Variants in AFAP1L2 observed in about 807,000 individuals in gnomAD.
AFAP1L2 encodes the protein actin filament associated protein 1 like 2.
In AFAP1L2, 46 loss-of-function variants were observed where a neutral mutation model predicts 99.3. The observed-to-expected ratio is 0.46, with a 90% CI of 0.37 to 0.59. AFAP1L2 has a LOEUF of 0.59. Ranked by LOEUF, AFAP1L2 falls within the 20% of genes least tolerant of loss-of-function variation. AFAP1L2 has a pLI of 0.00. For missense variants in AFAP1L2, 959 were observed against 1,034.9 expected, an observed-to-expected ratio of 0.93 and a Z score of 1.01; for synonymous variants, 397 against 419.1, an observed-to-expected ratio of 0.95 and a Z score of 0.64.
At chr10:114,391,428 G>A (rs1388964083) in intron 1 of AFAP1L2, among the ~76,000 whole-genome samples, 2 of 151,996 alleles carry the variant, frequency 1.3e-5, no homozygotes, top group African/African-American at 4.8e-5. Flanking sequence ...CCATGTTGGC[G>A]AGACTGGTCT....
At chr10:114,389,417 C>T (rs191915620) in intron 1 of AFAP1L2, among the ~76,000 whole-genome samples, 313 of 152,242 alleles carry the variant, frequency 2.1e-3, no homozygotes, top group Non-Finnish European at 3.4e-3. Context: ...AGTGAATCTC[C>T]TAAGTGAAGA....
the AFAP1L2 span, chr10:114,282,485 C>A: frequency 6.3e-7 from 1 of 1,598,048 alleles, no homozygotes; most frequent in South Asian, 1.1e-5. Flanking sequence ...CACCTCTGAT[C>A]TGTCTATAAT....
chr10:114,287,955 G>A, the AFAP1L2 span, among the ~76,000 whole-genome samples: 7 of 152,146 alleles, frequency 4.6e-5, no homozygotes, highest in South Asian at 2.1e-4. Flanking sequence ...CGCCTTCCCC[G>A]TAGCTGTGAT....
chr10:114,358,678 C>G (rs900034780), intron 1 of AFAP1L2, among the ~76,000 whole-genome samples: 2 of 152,018 alleles, frequency 1.3e-5, no homozygotes, highest in African/African-American at 4.8e-5. Flanking sequence ...ACTTTGGGAG[C>G]CTGAGGTGGG....
chr10:114,334,491 C>T (rs762841475), intron 2 of AFAP1L2, among the ~76,000 whole-genome samples: 6 of 152,218 alleles, frequency 3.9e-5, no homozygotes, highest in Non-Finnish European at 5.9e-5. Context: ...CTCTGTTGCA[C>T]GACCACAGAC....
At chr10:114,318,468 GTGGCTCACACC>G (rs1212196320) in intron 5 of AFAP1L2, among the ~76,000 whole-genome samples, 1 of 152,152 alleles carries the variant, frequency 6.6e-6, no homozygotes, top group African/African-American at 2.4e-5. Flanking sequence ...GCTGGGCATG[GTGGCTCACACC>G]TGTAATCCCA....
At chr10:114,290,470 TG>T, downstream of AFAP1L2, 2 of 1,458,852 alleles carry the variant, frequency 1.4e-6, no homozygotes, top group Non-Finnish European at 1.8e-6. Context: ...ATTCGTTCAG[TG>T]GAAGAAATTA....
At position 114,314,825 on chromosome 10, in the gene AFAP1L2, G is replaced by T. The variant is rs568841205; in HGVS notation, c.612+735C>A. Among the ~76,000 whole-genome samples, 5 of 152,148 alleles carry T rather than the reference G, an allele frequency of 3.3e-5. No individual in the cohort carries two copies. The East Asian group carries it at 9.7e-4, about 29-fold the overall frequency. Reference sequence around the variant, plus strand: ...ATTGTTGCTTCTGAGAAGATACCTAGCATTCTCATGCTGCACAGATAAAAA... The same window carrying T: ...ATTGTTGCTTCTGAGAAGATACCTATCATTCTCATGCTGCACAGATAAAAA... On this transcript the variant is annotated intron_variant, in intron 6 of 18. Coordinates refer to ENST00000304129, the MANE Select transcript of AFAP1L2 (RefSeq NM_001001936.3).
chr10:114,307,914 C>A lies in AFAP1L2; in HGVS notation c.968-5G>T, dbSNP rs2042663803. The A allele has an allele frequency of 5.0e-6, 8 of 1,613,662 alleles. No homozygotes were observed. Among genetic ancestry groups the A allele is most frequent in the Non-Finnish European group, 6.8e-6 (8 of 1,179,588 alleles). ...CAGCAGAACATTTCTTCTTGACTGT[C>A]AAGATGAGACAGAAAGCAATTCGTA... On this transcript the variant is annotated splice_region_variant and splice_polypyrimidine_tract_variant and intron_variant, in intron 9 of 18. Coordinates refer to ENST00000304129, the MANE Select transcript of AFAP1L2 (RefSeq NM_001001936.3).
At chr10:114,290,520 C>G (rs2039475425), downstream of AFAP1L2, among the ~76,000 whole-genome samples, 1 of 152,222 alleles carries the variant, frequency 6.6e-6, no homozygotes, top group African/African-American at 2.4e-5. Flanking sequence ...TGAGTACCTC[C>G]TGCATCCCAG....
chr10:114,295,122 T>A lies in AFAP1L2; in HGVS notation c.*920A>T, dbSNP rs551858240. On this transcript the variant is annotated 3_prime_UTR_variant, in exon 19 of 19. Coordinates refer to ENST00000304129, the MANE Select transcript of AFAP1L2 (RefSeq NM_001001936.3). Reference sequence around the variant, plus strand: ...ATCACCCTAACCAAAAATCACCACTTTGTTCTTGGAAGGAGAATGAACATT... The same window carrying A: ...ATCACCCTAACCAAAAATCACCACTATGTTCTTGGAAGGAGAATGAACATT... 1.0e-6 allele frequency: 1 copy of A among 985,642 alleles called. No homozygotes were observed. The highest frequency in any genetic ancestry group is 1.1e-4 in the East Asian group (1 of 8,806). 61.1% of individuals were successfully genotyped at this position (985,642 alleles called of 1,614,324 possible).
intron 4 of AFAP1L2, among the ~76,000 whole-genome samples, chr10:114,328,683 G>T (rs923394067): frequency 2.0e-5 from 3 of 152,218 alleles, no homozygotes; most frequent in African/African-American, 7.2e-5. Flanking sequence ...TCCCTGCTCT[G>T]GTTCTCCTCC....
chr10:114,288,196 C>A, the AFAP1L2 span, among the ~76,000 whole-genome samples: 2 of 152,236 alleles, frequency 1.3e-5, no homozygotes, highest in African/African-American at 4.8e-5. Context: ...TCTTTCAGTT[C>A]TTAGGTGAAA....
rs760831703 is a variant in AFAP1L2 at position 114,300,456 on chromosome 10, G to C, written c.1777C>G (p.Leu593Val). 1.9e-6 allele frequency: 3 copies of C among 1,613,534 alleles called. No homozygotes were observed. Among genetic ancestry groups the C allele is most frequent in the Admixed American group, 1.7e-5 (1 of 60,004 alleles). Residue 593 changes from leucine to valine, a missense_variant, in exon 14 of 19, where the codon CTG becomes GTG. Physicochemically the swap from Leu to Val is conservative, Grantham distance 32. This residue lies in a region of AFAP1L2 where 576 missense variants were observed against 562.1 expected (regional missense o/e 1.02). Transcript: ENST00000304129. ...DEPCIKCPEN[L>V]GEQQLESLEP... is the part of the protein sequence containing the mutation. The stretch of plus-strand genomic sequence containing the variant: ...GGGGAGGCCTGTACCTGTTCTCCCA[G>C]GTTCTCTGGACACTTTATGCAGGGC...
chr10:114,294,190 T>C (rs2039860169), downstream of AFAP1L2, among the ~76,000 whole-genome samples: 1 of 152,242 alleles, frequency 6.6e-6, no homozygotes, highest in South Asian at 2.1e-4. Flanking sequence ...TTTGCCAACA[T>C]CTTATTTCAG....
intron 11 of AFAP1L2, among the ~76,000 whole-genome samples, chr10:114,303,291 AGTTG>A (rs1325157202): frequency 6.6e-6 from 1 of 152,128 alleles, no homozygotes; most frequent in Non-Finnish European, 1.5e-5. Flanking sequence ...TTTGACATTT[AGTTG>A]GTTTCCTTTT....
chr10:114,298,443 C>A (rs773108178), intron 16 of AFAP1L2, among the ~76,000 whole-genome samples: 19 of 152,154 alleles, frequency 1.2e-4, no homozygotes, highest in Non-Finnish European at 2.4e-4. Flanking sequence ...CTGAGTTTGT[C>A]CTCAAACCTG....
intron 4 of AFAP1L2, among the ~76,000 whole-genome samples, chr10:114,326,606 G>A (rs938639034): frequency 3.3e-5 from 5 of 152,050 alleles, no homozygotes; most frequent in African/African-American, 1.2e-4. Context: ...TTGCCTGTAG[G>A]TTGACACTGC....
chr10:114,304,666 G>C (rs1589970768), intron 11 of AFAP1L2, 53 bp downstream of exon 11: 1 of 1,476,060 alleles, frequency 6.8e-7, no homozygotes, highest in Non-Finnish European at 9.1e-7. Context: ...GCAGCAAACA[G>C]CCACCACCGC....
Sources: gnomAD v4.1 joint callset for allele counts (sites outside exome capture counted in the v4.1 genomes callset) on GRCh38, gnomAD v4.1.1 for gene constraint, gnomAD v4.1.1 regional missense constraint, MANE v1.5 for transcripts, NCBI Gene and HGNC (gene_info 2026-07-23, HGNC 2026-07-21) for gene names.